IL1RAPL2: variants seen among roughly 807,000 people sequenced by gnomAD.
IL1RAPL2 encodes X-linked interleukin-1 receptor accessory protein-like 2.
A neutral mutation model predicts 44.1 loss-of-function variants in IL1RAPL2; 3 were observed. That is an observed-to-expected ratio of 0.07 (90% CI 0.03 to 0.18). IL1RAPL2 has a LOEUF of 0.18. Ranked by LOEUF, IL1RAPL2 falls within the 10% of genes least tolerant of loss-of-function variation. IL1RAPL2 has a pLI of 1.00. For missense variants in IL1RAPL2, 391 were observed against 496.4 expected (o/e 0.79, Z 2.02); for synonymous variants, 181 against 178.8 (o/e 1.01, Z -0.10).
intron 2 of IL1RAPL2, among the ~76,000 whole-genome samples, chrX:104,679,931 A>G (rs1930860645): frequency 8.9e-6 from 1 of 112,017 alleles, no homozygotes; most frequent in African/African-American, 3.2e-5. Context: ...GAAATAAATC[A>G]GGACAGCTGA....
At chrX:105,029,945 C>T (rs370385646) in intron 2 of IL1RAPL2, among the ~76,000 whole-genome samples, 16 of 111,322 alleles carry the variant, frequency 1.4e-4, no homozygotes, top group South Asian at 3.8e-4. Flanking sequence ...ATCGCCATTC[C>T]AACTGGTGTG....
At chrX:104,978,722 G>A (rs2030382524) in intron 2 of IL1RAPL2, among the ~76,000 whole-genome samples, 1 of 112,178 alleles carries the variant, frequency 8.9e-6, no homozygotes. Context: ...CTGTAGAAGT[G>A]TAGAAAATAT....
At chrX:105,571,957 GA>G (rs1322024340) in intron 6 of IL1RAPL2, among the ~76,000 whole-genome samples, 2 of 108,078 alleles carry the variant, frequency 1.9e-5, no homozygotes, top group East Asian at 2.9e-4. Flanking sequence ...CTACTAAAGA[GA>G]AAAAAAAAGC....
At chrX:104,919,877 C>G (rs1313579261) in intron 2 of IL1RAPL2, among the ~76,000 whole-genome samples, 1 of 110,439 alleles carries the variant, frequency 9.1e-6, no homozygotes, top group Non-Finnish European at 1.9e-5. Flanking sequence ...TTTGTAGGGA[C>G]TAATTCTGTT....
intron 5 of IL1RAPL2, among the ~76,000 whole-genome samples, chrX:105,271,307 G>A (rs1019144339): frequency 1.8e-5 from 2 of 112,231 alleles, no homozygotes; most frequent in African/African-American, 3.2e-5. Flanking sequence ...GATGCATAGG[G>A]AAGGGTTTAA....
intron 4 of IL1RAPL2, among the ~76,000 whole-genome samples, chrX:105,234,378 T>A (rs782658493): frequency 8.9e-6 from 1 of 112,030 alleles, no homozygotes; most frequent in Non-Finnish European, 1.9e-5. Context: ...TTATAAAGAA[T>A]AACAACTATC....
chrX:104,626,839 GAGAC>G (rs1929516892), intron 1 of IL1RAPL2, among the ~76,000 whole-genome samples: 1 of 56,434 alleles, frequency 1.8e-5, no homozygotes, highest in Non-Finnish European at 3.8e-5. Flanking sequence ...TTTTTTTTTT[GAGAC>G]AGAGTCTCAC....
chrX:105,345,884 T>A (rs1020102011), intron 5 of IL1RAPL2, among the ~76,000 whole-genome samples: 1 of 111,886 alleles, frequency 8.9e-6, no homozygotes, highest in African/African-American at 3.2e-5. Context: ...TAAATTTCCA[T>A]TCCAGGGAGC....
At chrX:105,601,308 G>T (rs2037250233) in intron 6 of IL1RAPL2, among the ~76,000 whole-genome samples, 1 of 111,019 alleles carries the variant, frequency 9.0e-6, no homozygotes, top group Admixed American at 9.6e-5. Flanking sequence ...GTCCAGAAGT[G>T]CCCAATGCTC....
At chrX:105,721,485 T>C (rs1188444122) in intron 7 of IL1RAPL2, among the ~76,000 whole-genome samples, 1 of 112,056 alleles carries the variant, frequency 8.9e-6, no homozygotes, top group Non-Finnish European at 1.9e-5. Flanking sequence ...TTTCTTTAGT[T>C]TTTGCGTACT....
chrX:105,597,803 C>T (rs1262713124), intron 6 of IL1RAPL2, among the ~76,000 whole-genome samples: 1 of 111,852 alleles, frequency 8.9e-6, no homozygotes, highest in East Asian at 2.8e-4. Flanking sequence ...AAAGGCAAGA[C>T]ATCAAGTGTT....
intron 2 of IL1RAPL2, among the ~76,000 whole-genome samples, chrX:104,987,197 A>G (rs748146329): frequency 1.8e-5 from 2 of 111,577 alleles, no homozygotes; most frequent in African/African-American, 6.5e-5. Context: ...CTGTGTGCAA[A>G]TATCTTACTC....
At chrX:105,038,918 T>G (rs984016284) in intron 2 of IL1RAPL2, among the ~76,000 whole-genome samples, 1 of 111,743 alleles carries the variant, frequency 8.9e-6, no homozygotes, top group Non-Finnish European at 1.9e-5. Flanking sequence ...TGAATTCACT[T>G]TTTACTTAAC....
intron 6 of IL1RAPL2, among the ~76,000 whole-genome samples, chrX:105,513,995 GT>G (rs2036492669): frequency 9.0e-6 from 1 of 111,213 alleles, no homozygotes; most frequent in Non-Finnish European, 1.9e-5. Context: ...AACTAATTTA[GT>G]TTTTCTATCA....
In IL1RAPL2 at chrX:104,979,414, T is replaced by C. The variant is rs146790996; in HGVS notation, c.83-216061T>C. Among the ~76,000 whole-genome samples, 189 of 111,434 alleles carry C rather than the reference T, an allele frequency of 1.7e-3. No homozygotes were observed. The East Asian group carries it at 0.041, about 24-fold the overall frequency. On this transcript the variant is annotated intron_variant, in intron 2 of 10. Transcript: ENST00000372582. ...TATAAAATACCTGAGATGCAAACTC[T>C]AGAAACTCTAGTGGAAAATATTAAT...
intron 2 of IL1RAPL2, among the ~76,000 whole-genome samples, chrX:104,909,689 G>A (rs1043150186): frequency 4.5e-5 from 5 of 112,168 alleles, no homozygotes; most frequent in Non-Finnish European, 7.5e-5. Context: ...ACTTGAGGAG[G>A]CAGTCTGCCC....
intron 2 of IL1RAPL2, among the ~76,000 whole-genome samples, chrX:104,829,287 G>A (rs1439683238): frequency 2.7e-5 from 3 of 112,093 alleles, no homozygotes; most frequent in East Asian, 2.8e-4. Context: ...CTCCTGTTCT[G>A]TGGGTTGCAA....
chrX:105,404,527 C>CT (rs762261935), intron 5 of IL1RAPL2, among the ~76,000 whole-genome samples: 4 of 111,583 alleles, frequency 3.6e-5, no homozygotes, highest in African/African-American at 9.8e-5. Flanking sequence ...TCTCCCTCCC[C>CT]TTTTTTTCCT....
At chrX:105,204,287 T>C (rs2147616548) in intron 3 of IL1RAPL2, among the ~76,000 whole-genome samples, 1 of 111,546 alleles carries the variant, frequency 9.0e-6, no homozygotes, top group East Asian at 2.8e-4. Context: ...CTTCAAAAAA[T>C]GCACTGATCA....
Sources: gnomAD v4.1 joint callset for allele counts (sites outside exome capture counted in the v4.1 genomes callset) on GRCh38, gnomAD v4.1.1 for gene constraint, MANE v1.5 for transcripts, NCBI Gene and HGNC (gene_info 2026-07-23, HGNC 2026-07-21) for gene names.